The following PHIP variants were observed in gnomAD, a reference collection of about 807,000 sequenced individuals.
The protein encoded by PHIP is PH-interacting protein.
PHIP carries 54 observed loss-of-function variants against 236.8 expected under a neutral mutation model. That is an observed-to-expected ratio of 0.23 (90% confidence interval 0.18 to 0.29). The LOEUF (loss-of-function observed/expected upper bound fraction) is 0.29, where lower values mean the gene tolerates loss of function less well. PHIP is among the 10% of genes least tolerant of loss of function. PHIP has a pLI of 1.00. For synonymous variants in PHIP, 756 were observed against 718.9 expected (o/e 1.05, Z -0.83); for missense variants, 1,370 against 2,190.8 (o/e 0.63, Z 7.48).
At chr6:79,059,610 TATATATATATATATAA>T (rs1048771050) in intron 6 of PHIP, among the ~76,000 whole-genome samples, 24 of 115,720 alleles carry the variant, frequency 2.1e-4, no homozygotes, top group African/African-American at 6.0e-4. Context: ...TATATATATA[TATATATATATATATAA>T]AAATGCCAAA....
chr6:78,997,861 T>C (rs1192117840), intron 18 of PHIP, among the ~76,000 whole-genome samples: 1 of 151,968 alleles, frequency 6.6e-6, no homozygotes, highest in Non-Finnish European at 1.5e-5. Flanking sequence ...TTTAAAAAAA[T>C]GCTAAGTATT....
chr6:79,024,798 C>T (rs898216826), intron 9 of PHIP, among the ~76,000 whole-genome samples: 1 of 151,904 alleles, frequency 6.6e-6, no homozygotes, highest in African/African-American at 2.4e-5. Context: ...CAGTGAGACT[C>T]CGTCTCAAAA....
chr6:79,072,528 C>G (rs1045047312), intron 4 of PHIP, among the ~76,000 whole-genome samples: 1 of 151,964 alleles, frequency 6.6e-6, no homozygotes, highest in Non-Finnish European at 1.5e-5. Context: ...GTCACCCACG[C>G]TGGAGGGCAG....
chr6:78,972,160 C>A (rs1410248000), intron 24 of PHIP, among the ~76,000 whole-genome samples: 1 of 152,164 alleles, frequency 6.6e-6, no homozygotes, highest in African/African-American at 2.4e-5. Flanking sequence ...AGTGGTTCTC[C>A]CAGTACGCAG....
At chr6:79,034,895 A>C (rs973440436) in intron 7 of PHIP, among the ~76,000 whole-genome samples, 2 of 152,176 alleles carry the variant, frequency 1.3e-5, no homozygotes, top group African/African-American at 4.8e-5. Context: ...TGAATGACTA[A>C]TATTCTTTGA....
intron 17 of PHIP, among the ~76,000 whole-genome samples, chr6:79,000,045 T>C (rs1769885941): frequency 1.3e-5 from 2 of 152,050 alleles, no homozygotes; most frequent in East Asian, 3.8e-4. Flanking sequence ...TTATAATAAC[T>C]CAAATCTATT....
chr6:79,011,680 G>C (rs1770585189), intron 15 of PHIP, among the ~76,000 whole-genome samples: 1 of 151,650 alleles, frequency 6.6e-6, no homozygotes, highest in South Asian at 2.1e-4. Context: ...GTAAAAACAA[G>C]AAAAATAAAC....
Position 79,019,108 on chromosome 6 carries a change from G to A in PHIP, c.975C>T (p.Ile325=), listed in dbSNP as rs1206438635. 1.9e-6 allele frequency: 3 copies of A among 1,612,538 alleles called. No individual in the cohort carries two copies. The highest frequency in any genetic ancestry group is 2.5e-6 in the Non-Finnish European group (3 of 1,178,720). ...ACTTACCAGCACTAAAAGAAGAACA[G>A]ATCATTTGAACTCCAGGCCGAGGGC... is the stretch of plus-strand genomic sequence containing the variant. ...TERPRPGVQM[I]CSSFSAGGMF... The change falls in exon 10 of 40, where the codon ATC becomes ATT. Residue 325 remains isoleucine, a synonymous_variant. Transcript: ENST00000275034.
At chr6:79,051,127 T>C (rs1772772448) in intron 6 of PHIP, among the ~76,000 whole-genome samples, 1 of 152,146 alleles carries the variant, frequency 6.6e-6, no homozygotes, top group African/African-American at 2.4e-5. Flanking sequence ...AAGGAAGTAA[T>C]GACAACCAAA....
At chr6:78,962,512 T>C (rs534995596) in intron 30 of PHIP, among the ~76,000 whole-genome samples, 6 of 152,256 alleles carry the variant, frequency 3.9e-5, no homozygotes, top group African/African-American at 7.2e-5. Context: ...CTCTTCTTAC[T>C]CATGTTAATT....
intron 39 of PHIP, among the ~76,000 whole-genome samples, chr6:78,944,889 G>T (rs1773716704): frequency 6.6e-6 from 1 of 152,162 alleles, no homozygotes; most frequent in Admixed American, 6.5e-5. Context: ...AACTTGAAGT[G>T]TAACAGTAAG....
At chr6:79,018,028 C>A (rs1770918303) in intron 10 of PHIP, among the ~76,000 whole-genome samples, 1 of 151,888 alleles carries the variant, frequency 6.6e-6, no homozygotes, top group Non-Finnish European at 1.5e-5. Context: ...CTCTTCAGAA[C>A]TCCCCTAAGA....
At chr6:78,997,005 T>G (rs1269233585) in intron 19 of PHIP, among the ~76,000 whole-genome samples, 2 of 150,934 alleles carry the variant, frequency 1.3e-5, no homozygotes, top group East Asian at 3.9e-4. Flanking sequence ...TCTTTTTGTA[T>G]TTTCCAATTT....
chr6:78,991,161 T>C (rs1328474729), intron 19 of PHIP, among the ~76,000 whole-genome samples, 176 bp from the exon 20 acceptor site: 1 of 152,168 alleles, frequency 6.6e-6, no homozygotes, highest in Non-Finnish European at 1.5e-5. Context: ...ACATCCGGCA[T>C]TAAATGACTG....
At chr6:78,995,317 C>G (rs1053027718) in intron 19 of PHIP, among the ~76,000 whole-genome samples, 3 of 152,170 alleles carry the variant, frequency 2.0e-5, no homozygotes, top group Admixed American at 1.3e-4. Flanking sequence ...AATAAAGCTG[C>G]TATACATTTA....
intron 4 of PHIP, among the ~76,000 whole-genome samples, chr6:79,066,988 A>ATTG (rs1285463684): frequency 6.6e-6 from 1 of 152,136 alleles, no homozygotes; most frequent in Non-Finnish European, 1.5e-5. Flanking sequence ...TCCTGGGCTC[A>ATTG]AACGATCCTC....
chr6:79,053,304 A>C (rs1772896742), intron 6 of PHIP, among the ~76,000 whole-genome samples: 1 of 152,194 alleles, frequency 6.6e-6, no homozygotes. Context: ...ACAGAGCGAG[A>C]CTCAATCTCA....
At chr6:79,069,578 C>T (rs1027770005) in intron 4 of PHIP, among the ~76,000 whole-genome samples, 7 of 152,076 alleles carry the variant, frequency 4.6e-5, no homozygotes, top group Non-Finnish European at 1.0e-4. Context: ...AAACCCAGGT[C>T]TCCTGATTCC....
At chr6:79,071,947 GA>G (rs1016653919) in intron 4 of PHIP, among the ~76,000 whole-genome samples, 180 of 139,752 alleles carry the variant, frequency 1.3e-3, no homozygotes, top group African/African-American at 3.8e-3. Flanking sequence ...TCCAGATTAT[GA>G]AAAAAAAAAA....
Sources: allele counts gnomAD v4.1 joint callset (sites outside exome capture counted in the v4.1 genomes callset), GRCh38; gene constraint gnomAD v4.1.1; transcripts MANE v1.5; gene names NCBI Gene and HGNC (gene_info 2026-07-23, HGNC 2026-07-21).